The following BAAT variants were observed in gnomAD, a reference collection of about 807,000 sequenced individuals.
The protein encoded by BAAT is bile acid CoA: amino acid N-acyltransferase (glycine N-choloyltransferase).
A neutral mutation model predicts 18.9 loss-of-function variants in BAAT; 13 were observed. The observed-to-expected ratio is 0.69, with a 90% CI of 0.45 to 1.10. BAAT has a LOEUF of 1.10. Among genes scored for constraint, BAAT ranks in the 50% least tolerant of loss-of-function variants. BAAT has a pLI of 0.00. For synonymous variants in BAAT, 170 were observed against 190.7 expected, an observed-to-expected ratio of 0.89 and a Z score of 0.89; for missense variants, 489 against 504.0, an observed-to-expected ratio of 0.97 and a Z score of 0.28.
At chr9:101,367,497 T>A (rs1340271034) in intron 3 of BAAT, among the ~76,000 whole-genome samples, 7 of 139,468 alleles carry the variant, frequency 5.0e-5, no homozygotes, top group African/African-American at 1.4e-4. Context: ...TTTGCATGCA[T>A]TATCCTTTTT....
rs757752665 is a variant in BAAT, at chr9:101,362,828, G to A, written c.857C>T (p.Ser286Phe). 1.9e-6 allele frequency: 3 copies of A among 1,614,146 alleles called. No homozygotes were observed. The highest frequency in any genetic ancestry group is 2.5e-6 in the Non-Finnish European group (3 of 1,180,006). Residue 286 changes from serine (S) to phenylalanine (F), a missense_variant, in exon 4 of 4, where the codon TCC (serine) becomes TTC (phenylalanine). Coordinates refer to ENST00000259407, the MANE Select transcript of BAAT (RefSeq NM_001701.4). Reference protein sequence around the residue: ...QPLPHSAQLISTNALGLLELY... With the variant: ...QPLPHSAQLIFTNALGLLELY... ...CTCTAGTAACCCCAAGGCATTGGTG[G>A]ATATTAATTGTGCAGAATGGGGAAG...
At chr9:101,370,097 T>C (rs1431240363) in intron 2 of BAAT, among the ~76,000 whole-genome samples, 1 of 152,074 alleles carries the variant, frequency 6.6e-6, no homozygotes, top group Non-Finnish European at 1.5e-5. Flanking sequence ...TAATAACCCA[T>C]GCCTAAACTG....
intron 1 of BAAT, among the ~76,000 whole-genome samples, chr9:101,376,879 G>A (rs1388033991): frequency 6.6e-6 from 1 of 152,200 alleles, no homozygotes; most frequent in Non-Finnish European, 1.5e-5. Flanking sequence ...GGGCATTAAT[G>A]GGCATTAGGT....
intron 3 of BAAT, 110 bp from the exon 4 acceptor site, chr9:101,363,125 A>C (rs1232661803): frequency 2.0e-6 from 2 of 1,005,636 alleles, no homozygotes; most frequent in Non-Finnish European, 3.0e-6. Flanking sequence ...AGCAAGTATT[A>C]ATCCTACCCA....
At chr9:101,376,657 T>C (rs769134628) in intron 1 of BAAT, 35 of 152,230 alleles carry the variant, frequency 2.3e-4, no homozygotes, top group Non-Finnish European at 4.8e-4. Context: ...GTTGGAGGCC[T>C]GCCACCTCCC....
At chr9:101,373,459 T>C (rs1448563249) in intron 1 of BAAT, among the ~76,000 whole-genome samples, 2 of 152,178 alleles carry the variant, frequency 1.3e-5, no homozygotes, top group African/African-American at 2.4e-5. Flanking sequence ...GATATAAGCA[T>C]GAAATTTTTA....
chr9:101,378,215 C>G (rs1830077794), intron 1 of BAAT, among the ~76,000 whole-genome samples: 2 of 151,122 alleles, frequency 1.3e-5, no homozygotes, highest in Admixed American at 6.6e-5. Flanking sequence ...ATTCACAGAA[C>G]TAGAAAAAAC....
At chr9:101,379,307 G>A (rs553759123) in intron 1 of BAAT, among the ~76,000 whole-genome samples, 30 of 152,164 alleles carry the variant, frequency 2.0e-4, no homozygotes, top group Non-Finnish European at 2.9e-4. Flanking sequence ...GGCGAATGTC[G>A]CATTTTGACA....
chr9:101,369,778 A>G (rs1829897081), intron 2 of BAAT, among the ~76,000 whole-genome samples: 1 of 152,150 alleles, frequency 6.6e-6, no homozygotes, highest in South Asian at 2.1e-4. Flanking sequence ...TTGGAAAGGA[A>G]AGCTTTTATT....
At chr9:101,367,116 G>GAAAAAAAAAAAAAAA (rs66591298) in intron 3 of BAAT, among the ~76,000 whole-genome samples, 1 of 99,672 alleles carries the variant, frequency 1.0e-5, no homozygotes, top group Non-Finnish European at 1.9e-5. Context: ...GTCAAAAAAA[G>GAAAAAAAAAAAAAAA]AAAAAAAAAA....
In BAAT at chr9:101,360,433, G is replaced by T. The variant is rs778479188; in HGVS notation, c.*1995C>A. ...GAGACTGGGTAATTTATAAAGAAAA[G>T]AGATTTAATTGGATCATGGTCCTGC... is the stretch of plus-strand genomic sequence containing the variant. On this transcript the variant is annotated 3_prime_UTR_variant, in exon 4 of 4. Coordinates refer to ENST00000259407, the MANE Select transcript of BAAT (RefSeq NM_001701.4). 6 of 154,646 alleles carry T rather than the reference G, an allele frequency of 3.9e-5. No homozygotes were observed. In the Admixed American group the frequency reaches 3.9e-4, roughly 10 times the overall value. The allele number at this position is 154,646 out of a possible 1,614,324, so 9.6% of individuals were successfully genotyped here.
At chr9:101,381,602 G>T (rs1397874874) in intron 1 of BAAT, among the ~76,000 whole-genome samples, 4 of 152,016 alleles carry the variant, frequency 2.6e-5, no homozygotes, top group African/African-American at 9.7e-5. Flanking sequence ...AAAAGCAAGT[G>T]GTTATTTTTC....
At chr9:101,370,839 C>T (rs1829923359) in intron 2 of BAAT, 100 bp downstream of exon 2, 1 of 1,305,014 alleles carries the variant, frequency 7.7e-7, no homozygotes, top group East Asian at 2.3e-5. Flanking sequence ...ATAACAATAA[C>T]CAGAGTAATT....
intron 1 of BAAT, among the ~76,000 whole-genome samples, chr9:101,381,462 T>C (rs575882751): frequency 6.6e-6 from 1 of 152,252 alleles, no homozygotes; most frequent in South Asian, 2.1e-4. Context: ...AGGTCAAGGA[T>C]GCAGTGAGCT....
intron 1 of BAAT, among the ~76,000 whole-genome samples, chr9:101,378,062 C>T (rs1000013898): frequency 2.6e-5 from 4 of 152,154 alleles, no homozygotes; most frequent in Admixed American, 2.6e-4. Context: ...TGAAGGACCT[C>T]TTCAAGGAGA....
chr9:101,370,054 C>T (rs952897497), intron 2 of BAAT, among the ~76,000 whole-genome samples: 43 of 152,214 alleles, frequency 2.8e-4, no homozygotes, highest in African/African-American at 1.0e-3. Context: ...ATCTTTCAGT[C>T]CATCTTATCT....
chr9:101,381,545 AT>A (rs1564059546), intron 1 of BAAT, among the ~76,000 whole-genome samples: 2 of 152,210 alleles, frequency 1.3e-5, no homozygotes, highest in Non-Finnish European at 2.9e-5. Flanking sequence ...TCTAAAATAA[AT>A]ACATACATAA....
chr9:101,365,284 A>G (rs1829807266), intron 3 of BAAT, among the ~76,000 whole-genome samples: 1 of 152,106 alleles, frequency 6.6e-6, no homozygotes, highest in Non-Finnish European at 1.5e-5. Flanking sequence ...CATTTTATAA[A>G]CCAATGTTTG....
rs868023206 is a variant in BAAT at position 101,368,707 on chromosome 9, T to C, written c.467-385A>G. Among the ~76,000 whole-genome samples, 17 of 152,248 alleles carry C rather than the reference T, an allele frequency of 1.1e-4. No homozygotes were observed. The South Asian group carries it at 1.2e-3, about 11-fold the overall frequency. ...TACTCTTGTTGTAAAGAAAGGCATA[T>C]AAATTAGGCCAGGGCTTCTTAACCT... On this transcript the variant is annotated intron_variant, in intron 2 of 3. Coordinates refer to ENST00000259407, the MANE Select transcript of BAAT (RefSeq NM_001701.4).
Sources: gnomAD v4.1 joint callset for allele counts (sites outside exome capture counted in the v4.1 genomes callset) on GRCh38, gnomAD v4.1.1 for gene constraint, MANE v1.5 for transcripts, NCBI Gene and HGNC (gene_info 2026-07-23, HGNC 2026-07-21) for gene names.